SCN2A: variants seen among roughly 807,000 people sequenced by gnomAD.
SCN2A encodes sodium channel protein type 2 subunit alpha.
Under a neutral mutation model 188.7 loss-of-function variants are expected in SCN2A, and 20 were observed. That is an observed-to-expected ratio of 0.11 (90% CI 0.07 to 0.15). SCN2A has a LOEUF of 0.15. SCN2A is among the 10% of genes least tolerant of loss of function. SCN2A has a pLI of 1.00. For missense variants in SCN2A, 1,278 were observed against 2,445.0 expected, an observed-to-expected ratio of 0.52 and a Z score of 10.07; for synonymous variants, 804 against 833.1, an observed-to-expected ratio of 0.97 and a Z score of 0.60.
At chr2:165,357,261 A>G (rs1255544912) in intron 17 of SCN2A, among the ~76,000 whole-genome samples, 3 of 152,148 alleles carry the variant, frequency 2.0e-5, no homozygotes, top group Admixed American at 2.0e-4. Context: ...TTGAAATAGC[A>G]TTTCTTGCCT....
In SCN2A at chr2:165,380,575, T is replaced by C; in HGVS notation, c.4309-17T>C. On this transcript the variant is annotated splice_polypyrimidine_tract_variant and intron_variant, in intron 23 of 26. Coordinates refer to ENST00000375437, the MANE Select transcript of SCN2A (RefSeq NM_001040142.2). ...CAAGTACTAGATATAATGGTTACAATTCTTCATATTCTTTAGGTAGAATTA... is the reference window on the plus strand; with the variant it reads ...CAAGTACTAGATATAATGGTTACAACTCTTCATATTCTTTAGGTAGAATTA... The C allele has an allele frequency of 1.3e-6, 2 of 1,550,614 alleles. No individual in the cohort carries two copies. Among genetic ancestry groups the C allele is most frequent in the South Asian group, 2.2e-5 (2 of 89,502 alleles).
intron 11 of SCN2A, among the ~76,000 whole-genome samples, chr2:165,317,322 T>C (rs1697808612): frequency 6.9e-6 from 1 of 144,202 alleles, no homozygotes; most frequent in Admixed American, 7.1e-5. Flanking sequence ...CTGTTTACAG[T>C]ATTAGTCATT....
At chr2:165,288,398 C>CTT (rs113368992) in intron 1 of SCN2A, among the ~76,000 whole-genome samples, 36 of 148,658 alleles carry the variant, frequency 2.4e-4, no homozygotes, top group East Asian at 3.9e-4. Flanking sequence ...TCTTGACAGG[C>CTT]TTTTTTTTTC....
rs567187064 is a variant in SCN2A at position 165,313,545 on chromosome 2, A to G, written c.1035-75A>G. On this transcript the variant is annotated intron_variant, in intron 8 of 26. Transcript: ENST00000375437. ...GTGCCTGTATAAAACAGACATTGGC[A>G]TATATTAAAACAGGAAAACCAATTA... is the stretch of plus-strand genomic sequence containing the variant. 693 of 1,559,786 alleles carry G rather than the reference A, an allele frequency of 4.4e-4. 2 individuals are homozygous for G. The African/African-American group carries it at 8.5e-3, about 19-fold the overall frequency.
rs536903726 is a variant in SCN2A, at chr2:165,307,814, C to G, written c.387-34C>G. 9.7e-6 allele frequency: 14 copies of G among 1,444,240 alleles called. No homozygotes were observed. The Admixed American group carries it at 1.8e-4, about 19-fold the overall frequency. The allele number at this position is 1,444,240 out of a possible 1,614,324, so 89.5% of individuals were successfully genotyped here. A position where few individuals can be genotyped will look rare whatever the true frequency, so the allele number is the denominator to read the frequency against. On this transcript the variant is annotated intron_variant, in intron 3 of 26. Coordinates refer to ENST00000375437, the MANE Select transcript of SCN2A (RefSeq NM_001040142.2). ...GGTAGTGCATAAAAGTAAGATTTTT[C>G]CATTGAACTTTGTCTTCCTTGACGA... is the stretch of plus-strand genomic sequence containing the variant.
In SCN2A at chr2:165,307,838, G is replaced by A. The variant is rs2304015; in HGVS notation, c.387-10G>A. 3.6e-3 allele frequency: 5,748 copies of A among 1,586,860 alleles called. 119 individuals are homozygous for A. In the East Asian group the frequency reaches 0.074, roughly 21 times the overall value. Reference sequence around the variant, plus strand: ...TCCATTGAACTTTGTCTTCCTTGACGATATTCTACTTTATTCAATATGCTC... The same window carrying A: ...TCCATTGAACTTTGTCTTCCTTGACAATATTCTACTTTATTCAATATGCTC... On this transcript the variant is annotated splice_polypyrimidine_tract_variant and intron_variant, in intron 3 of 26. Coordinates refer to ENST00000375437, the MANE Select transcript of SCN2A (RefSeq NM_001040142.2).
At chr2:165,326,269 G>T (rs1299032289) in intron 12 of SCN2A, among the ~76,000 whole-genome samples, 1 of 152,006 alleles carries the variant, frequency 6.6e-6, no homozygotes, top group Non-Finnish European at 1.5e-5. Flanking sequence ...ATTGTTTTGT[G>T]GATTAAGTTG....
In SCN2A at chr2:165,336,280, A is replaced by G. The variant is rs914473642; in HGVS notation, c.2388+4712A>G. On this transcript the variant is annotated intron_variant, in intron 14 of 26. Coordinates refer to ENST00000375437, the MANE Select transcript of SCN2A (RefSeq NM_001040142.2). Reference sequence around the variant, plus strand: ...ATATATATCTAAGAGAATTAAAAACATATTTCAACATGAATGCTTATAGAA... The same window carrying G: ...ATATATATCTAAGAGAATTAAAAACGTATTTCAACATGAATGCTTATAGAA... 2.6e-5 allele frequency among the ~76,000 whole-genome samples: 4 copies of G among 151,994 alleles called. No individual in the cohort carries two copies. In the South Asian group the frequency reaches 8.3e-4, roughly 31 times the overall value.
At chr2:165,380,188 A>G (rs956324937) in intron 23 of SCN2A, among the ~76,000 whole-genome samples, 6 of 151,826 alleles carry the variant, frequency 4.0e-5, no homozygotes, top group African/African-American at 1.2e-4. Context: ...TTTTCATCTC[A>G]CAGATGAGAA....
chr2:165,369,951 C>T (rs1700939364), intron 19 of SCN2A, among the ~76,000 whole-genome samples, 175 bp from the exon 20 acceptor site: 1 of 152,088 alleles, frequency 6.6e-6, no homozygotes, highest in Admixed American at 6.6e-5. Flanking sequence ...ACTGAAATGC[C>T]CAGTCAGCAG....
chr2:165,290,842 A>G, intron 1 of SCN2A: 1 of 875,062 alleles, frequency 1.1e-6, no homozygotes, highest in South Asian at 5.3e-5. Context: ...AAGATATACC[A>G]TATGTATATA....
intron 16 of SCN2A, among the ~76,000 whole-genome samples, chr2:165,345,150 C>A (rs1249937070): frequency 6.6e-6 from 1 of 152,086 alleles, no homozygotes; most frequent in Non-Finnish European, 1.5e-5. Flanking sequence ...AGGAGAGAAA[C>A]TTTTCTGTTA....
intron 1 of SCN2A, among the ~76,000 whole-genome samples, chr2:165,259,998 G>T (rs1694506002): frequency 6.9e-6 from 1 of 143,978 alleles, no homozygotes; most frequent in Non-Finnish European, 1.5e-5. Context: ...GAGTGCAGTG[G>T]CATGATTTCG....
intron 8 of SCN2A, among the ~76,000 whole-genome samples, chr2:165,312,395 TAA>T (rs1401692452): frequency 7.9e-5 from 12 of 152,290 alleles, no homozygotes; most frequent in Admixed American, 3.9e-4. Flanking sequence ...ATACTTTTTA[TAA>T]GTGTCATATT....
chr2:165,286,313 A>C (rs551986917), intron 1 of SCN2A, among the ~76,000 whole-genome samples: 1 of 152,322 alleles, frequency 6.6e-6, no homozygotes, highest in Admixed American at 6.5e-5. Context: ...CACCATGTGC[A>C]TGTAGGTAAC....
intron 2 of SCN2A, chr2:165,296,590 G>C (rs1027251390): frequency 1.1e-5 from 2 of 184,442 alleles, no homozygotes; most frequent in African/African-American, 2.4e-5. Flanking sequence ...CTCCACAGAA[G>C]GAATAATAGC....
intron 25 of SCN2A, among the ~76,000 whole-genome samples, chr2:165,385,520 A>C (rs1574743369): frequency 6.6e-6 from 1 of 152,298 alleles, no homozygotes; most frequent in East Asian, 1.9e-4. Context: ...AGATAATTTT[A>C]TTCTTACAGA....
intron 1 of SCN2A, among the ~76,000 whole-genome samples, chr2:165,291,305 G>A (rs12612447): frequency 0.23 from 34,601 of 149,538 alleles, 4,410 homozygotes; most frequent in East Asian, 0.36. Flanking sequence ...CGGCCTCCCA[G>A]AGTGCTGGGA....
chr2:165,343,559 A>G (rs1215630303), intron 15 of SCN2A, among the ~76,000 whole-genome samples: 1 of 152,190 alleles, frequency 6.6e-6, no homozygotes, highest in Non-Finnish European at 1.5e-5. Flanking sequence ...TATTCTCTGG[A>G]ATAAATTAAA....
Sources: allele counts gnomAD v4.1 joint callset (sites outside exome capture counted in the v4.1 genomes callset), GRCh38; gene constraint gnomAD v4.1.1; transcripts MANE v1.5; gene names NCBI Gene and HGNC (gene_info 2026-07-23, HGNC 2026-07-21).